The following L3MBTL4 variants were observed in gnomAD, a reference collection of about 807,000 sequenced individuals.
L3MBTL4 encodes lethal(3)malignant brain tumor-like protein 4.
A neutral mutation model predicts 84.5 loss-of-function variants in L3MBTL4; 70 were observed. The observed-to-expected ratio is 0.83, with a 90% CI of 0.68 to 1.01. The LOEUF (loss-of-function observed/expected upper bound fraction) is 1.01. Ranked by LOEUF, L3MBTL4 falls within the 50% of genes least tolerant of loss-of-function variation. L3MBTL4 has a pLI of 0.00. For synonymous variants in L3MBTL4, 274 were observed against 259.8 expected (o/e 1.05, Z -0.52); for missense variants, 715 against 754.8 (o/e 0.95, Z 0.62).
chr18:6,385,014 G>A (rs2054758528), intron 1 of L3MBTL4, among the ~76,000 whole-genome samples: 1 of 152,182 alleles, frequency 6.6e-6, no homozygotes, highest in South Asian at 2.1e-4. Context: ...AAAAAGAGAA[G>A]TAGATGATAC....
At chr18:6,151,587 G>A (rs2042898275) in intron 13 of L3MBTL4, among the ~76,000 whole-genome samples, 2 of 151,978 alleles carry the variant, frequency 1.3e-5, no homozygotes, top group Non-Finnish European at 1.5e-5. Flanking sequence ...TAGAGACGGG[G>A]TTTCACCATG....
At chr18:5,969,720 C>T (rs1304256325) in intron 16 of L3MBTL4, among the ~76,000 whole-genome samples, 158 bp from the exon 17 acceptor site, 2 of 152,168 alleles carry the variant, frequency 1.3e-5, no homozygotes, top group Non-Finnish European at 2.9e-5. Flanking sequence ...CCAAGCATAC[C>T]CTATGCCACC....
intron 14 of L3MBTL4, among the ~76,000 whole-genome samples, chr18:6,127,882 A>G (rs535434704): frequency 2.0e-5 from 3 of 152,286 alleles, no homozygotes; most frequent in Admixed American, 1.3e-4. Context: ...GGGCTCCAGC[A>G]GTGCACACAA....
Position 5,955,219 on chromosome 18 carries a change from A to T in L3MBTL4, c.*1001T>A, listed in dbSNP as rs1042861102. 6.6e-6 allele frequency: 1 copy of T among 152,260 alleles called. No homozygotes were observed. Among genetic ancestry groups the T allele is most frequent in the Non-Finnish European group, 1.5e-5 (1 of 68,064 alleles). The allele number at this position is 152,260 out of a possible 1,614,324, so 9.4% of individuals were successfully genotyped here. ...TACAAAAAACAAATAAGGCCTGACA[A>T]CAAATCGGAATGTTTCAAACAAAGA... On this transcript the variant is annotated 3_prime_UTR_variant, in exon 19 of 19. Coordinates refer to ENST00000317931, the MANE Select transcript of L3MBTL4 (RefSeq NM_001330559.2).
intron 4 of L3MBTL4, among the ~76,000 whole-genome samples, chr18:6,295,568 G>A (rs2050074627): frequency 6.6e-6 from 1 of 151,830 alleles, no homozygotes; most frequent in African/African-American, 2.4e-5. Context: ...AAAGTAGAAA[G>A]CTTAGCTCTT....
At chr18:6,046,719 A>G (rs2056635918) in intron 16 of L3MBTL4, 1 of 773,186 alleles carries the variant, frequency 1.3e-6, no homozygotes, top group South Asian at 1.4e-5. Context: ...AAACAGAGAT[A>G]CAACTTACCC....
intron 8 of L3MBTL4, among the ~76,000 whole-genome samples, chr18:6,241,141 A>G (rs769532526): frequency 6.6e-6 from 1 of 152,238 alleles, no homozygotes; most frequent in Non-Finnish European, 1.5e-5. Context: ...AGTTTTCCCA[A>G]CTTTTTCTCA....
chr18:6,392,926 G>T (rs2144546769), intron 1 of L3MBTL4, among the ~76,000 whole-genome samples: 1 of 152,196 alleles, frequency 6.6e-6, no homozygotes, highest in African/African-American at 2.4e-5. Context: ...TCAGAAGTGG[G>T]GAGAGTAGGA....
intron 1 of L3MBTL4, among the ~76,000 whole-genome samples, chr18:6,359,103 A>G (rs1470527018): frequency 6.6e-6 from 1 of 152,240 alleles, no homozygotes; most frequent in Non-Finnish European, 1.5e-5. Flanking sequence ...TTCTGAAACT[A>G]TTTAAAGGTA....
At chr18:6,303,748 T>C (rs1445081711) in intron 3 of L3MBTL4, among the ~76,000 whole-genome samples, 1 of 151,778 alleles carries the variant, frequency 6.6e-6, no homozygotes, top group African/African-American at 2.4e-5. Context: ...AAAAACCAAA[T>C]CTAAAAAATA....
chr18:6,068,072 T>A (rs1042409001), intron 16 of L3MBTL4, among the ~76,000 whole-genome samples: 1 of 152,160 alleles, frequency 6.6e-6, no homozygotes, highest in Non-Finnish European at 1.5e-5. Context: ...TCTGTAGGAG[T>A]TCCTTAAAGA....
chr18:6,054,735 G>A (rs2056956481), intron 16 of L3MBTL4, among the ~76,000 whole-genome samples: 1 of 152,154 alleles, frequency 6.6e-6, no homozygotes, highest in Non-Finnish European at 1.5e-5. Flanking sequence ...TATTTACTGT[G>A]GTATGGCCTG....
At chr18:6,006,703 T>A (rs539831474) in intron 16 of L3MBTL4, among the ~76,000 whole-genome samples, 35 of 152,146 alleles carry the variant, frequency 2.3e-4, no homozygotes, top group Non-Finnish European at 2.4e-4. Context: ...TAGCAGATAT[T>A]AAAGCATGTT....
At chr18:6,042,601 G>T (rs79377206) in intron 16 of L3MBTL4, among the ~76,000 whole-genome samples, 3,784 of 152,250 alleles carry the variant, frequency 0.025, 149 homozygotes, top group African/African-American at 0.086. Flanking sequence ...GCATTGTCCA[G>T]TACTGAGACC....
At chr18:6,262,095 C>T (rs1295606751) in intron 5 of L3MBTL4, among the ~76,000 whole-genome samples, 3 of 152,150 alleles carry the variant, frequency 2.0e-5, no homozygotes, top group Non-Finnish European at 4.4e-5. Flanking sequence ...TTTGGCTCAA[C>T]CTCAAATCCT....
At chr18:6,028,862 T>C (rs1218586464) in intron 16 of L3MBTL4, among the ~76,000 whole-genome samples, 3 of 152,192 alleles carry the variant, frequency 2.0e-5, no homozygotes, top group Admixed American at 1.3e-4. Flanking sequence ...GAGTCACCAC[T>C]GAATTAAGTT....
At chr18:6,119,008 T>C (rs2059445775) in intron 14 of L3MBTL4, among the ~76,000 whole-genome samples, 1 of 146,178 alleles carries the variant, frequency 6.8e-6, no homozygotes, top group Non-Finnish European at 1.5e-5. Context: ...TTTTTTTTTT[T>C]TTTTTTTTTT....
intron 13 of L3MBTL4, among the ~76,000 whole-genome samples, chr18:6,149,741 T>A (rs1598913497): frequency 6.6e-6 from 1 of 152,220 alleles, no homozygotes; most frequent in Non-Finnish European, 1.5e-5. Flanking sequence ...TCCTTTAGCC[T>A]TTTATGAGAA....
intron 16 of L3MBTL4, among the ~76,000 whole-genome samples, chr18:6,000,996 G>C (rs2054186532): frequency 6.6e-6 from 1 of 152,178 alleles, no homozygotes; most frequent in Non-Finnish European, 1.5e-5. Flanking sequence ...GTAAATCATG[G>C]CTAATTTTGG....
Sources: allele counts gnomAD v4.1 joint callset (sites outside exome capture counted in the v4.1 genomes callset), GRCh38; gene constraint gnomAD v4.1.1; transcripts MANE v1.5; gene names NCBI Gene and HGNC (gene_info 2026-07-23, HGNC 2026-07-21).